ACVR2A: variants seen among roughly 807,000 people sequenced by gnomAD.
ACVR2A encodes activin A receptor type 2A.
ACVR2A carries 7 observed loss-of-function variants against 61.4 expected under a neutral mutation model. The ratio of observed to expected loss-of-function variants is 0.11; its 90% CI spans 0.06 to 0.21. The LOEUF (loss-of-function observed/expected upper bound fraction) is 0.21, where lower values mean the gene tolerates loss of function less well. Ranked by LOEUF, ACVR2A falls within the 10% of genes least tolerant of loss-of-function variation. The pLI is 1.00. For synonymous variants in ACVR2A, 193 were observed against 208.3 expected, an observed-to-expected ratio of 0.93 and a Z score of 0.63; for missense variants, 322 against 621.7, an observed-to-expected ratio of 0.52 and a Z score of 5.13.
intron 10 of ACVR2A, among the ~76,000 whole-genome samples, chr2:147,926,700 G>T (rs1358384843): frequency 6.6e-6 from 1 of 151,810 alleles, no homozygotes; most frequent in Admixed American, 6.6e-5. Context: ...CCCAAGGGTG[G>T]CTTTCTGATC....
Position 147,899,634 on chromosome 2 carries a change from G to A in ACVR2A, c.373+67G>A. 1.9e-6 allele frequency: 3 copies of A among 1,581,200 alleles called. No individual in the cohort carries two copies. The African/African-American group carries it at 4.1e-5, about 21-fold the overall frequency. ...ATTGGAAACAAAATATATTTGTGTT[G>A]ATGGAATAATTTGCCCCTACCTCTT... On this transcript the variant is annotated intron_variant, in intron 3 of 10. Transcript: ENST00000241416.
chr2:147,848,175 T>C (rs1685359474), intron 1 of ACVR2A, among the ~76,000 whole-genome samples: 1 of 152,200 alleles, frequency 6.6e-6, no homozygotes, highest in African/African-American at 2.4e-5. Flanking sequence ...GGATGATAAA[T>C]ACTTTGTTTT....
At chr2:147,909,503 A>T (rs1440614074) in intron 4 of ACVR2A, among the ~76,000 whole-genome samples, 1 of 152,180 alleles carries the variant, frequency 6.6e-6, no homozygotes, top group East Asian at 1.9e-4. Context: ...TAATAGCTTG[A>T]TATTAATGTG....
At chr2:147,916,617 A>C (rs944257113) in intron 5 of ACVR2A, among the ~76,000 whole-genome samples, 8 of 151,934 alleles carry the variant, frequency 5.3e-5, no homozygotes, top group Non-Finnish European at 1.0e-4. Context: ...GTTTGGATGC[A>C]GAGAGTTTCT....
chr2:147,863,367 C>T (rs1300115370), intron 1 of ACVR2A, among the ~76,000 whole-genome samples: 1 of 152,204 alleles, frequency 6.6e-6, no homozygotes, highest in Non-Finnish European at 1.5e-5. Flanking sequence ...TGAAAGTACA[C>T]TGCTTGACCC....
chr2:147,881,044 C>A (rs1686286318), intron 1 of ACVR2A, among the ~76,000 whole-genome samples: 1 of 152,106 alleles, frequency 6.6e-6, no homozygotes, highest in Non-Finnish European at 1.5e-5. Flanking sequence ...GAAAGCAGGT[C>A]TTTTCTTAAA....
chr2:147,909,835 T>G lies in ACVR2A; in HGVS notation c.529-5356T>G, dbSNP rs529931872. Among the ~76,000 whole-genome samples the G allele has an allele frequency of 1.6e-3, 247 of 152,056 alleles. 2 individuals are homozygous for G. The highest frequency in any genetic ancestry group is 5.6e-3 in the African/African-American group (234 of 41,470). On this transcript the variant is annotated intron_variant, in intron 4 of 10. Coordinates refer to ENST00000241416, the MANE Select transcript of ACVR2A (RefSeq NM_001616.5). ...AAAAAATTTTTTTGTAGAGAAGGGA[T>G]CTCCCTGTGTTGCCTAGGCTGGTCT...
At chr2:147,845,997 A>G (rs1685303286) in intron 1 of ACVR2A, among the ~76,000 whole-genome samples, 1 of 152,194 alleles carries the variant, frequency 6.6e-6, no homozygotes, top group Non-Finnish European at 1.5e-5. Context: ...CACTCATAAA[A>G]TAGGTTTTAG....
intron 1 of ACVR2A, among the ~76,000 whole-genome samples, chr2:147,890,368 G>GTGTGTA (rs778542956): frequency 6.7e-6 from 1 of 149,690 alleles, no homozygotes; most frequent in Non-Finnish European, 1.5e-5. Flanking sequence ...GTGTGTGTGT[G>GTGTGTA]TATACACACA....
intron 1 of ACVR2A, among the ~76,000 whole-genome samples, chr2:147,895,923 G>A (rs1169347441): frequency 6.6e-6 from 1 of 151,752 alleles, no homozygotes; most frequent in Non-Finnish European, 1.5e-5. Context: ...TGAGTTGTTA[G>A]GGGTCAACTG....
rs1687634410 is a variant in ACVR2A, at chr2:147,930,134, A to G, written c.*2860A>G. The G allele has an allele frequency of 6.6e-6, 1 of 152,486 alleles. No individual in the cohort carries two copies. Among genetic ancestry groups the G allele is most frequent in the Non-Finnish European group, 1.5e-5 (1 of 67,990 alleles). 9.4% of individuals were successfully genotyped at this position (152,486 alleles called of 1,614,324 possible). A position where few individuals can be genotyped will look rare whatever the true frequency, so the allele number is the denominator to read the frequency against. The stretch of plus-strand genomic sequence containing the variant: ...ATTGTTAGTCCCATGAACTTGCACT[A>G]TCTATCTTTCATGGTGATGTTTTGA... On this transcript the variant is annotated 3_prime_UTR_variant, in exon 11 of 11. Transcript: ENST00000241416.
intron 1 of ACVR2A, among the ~76,000 whole-genome samples, chr2:147,870,794 A>G (rs918742892): frequency 1.3e-5 from 2 of 152,018 alleles, no homozygotes; most frequent in Non-Finnish European, 2.9e-5. Flanking sequence ...TGCTTTCTGC[A>G]TATGTGCCAT....
chr2:147,844,591 T>TGCACCGCCGCCGCCGCTGCCGCCC (rs1310644057), upstream of ACVR2A: 8 of 149,710 alleles, frequency 5.3e-5, no homozygotes, highest in South Asian at 7.2e-4. Context: ...GGCCGCCGCC[T>TGCACCGCCGCCGCCGCTGCCGCCC]GCACCGCCGC....
intron 4 of ACVR2A, among the ~76,000 whole-genome samples, chr2:147,911,550 T>C (rs1687111738): frequency 6.6e-6 from 1 of 152,110 alleles, no homozygotes; most frequent in Non-Finnish European, 1.5e-5. Flanking sequence ...GCCTTTCATA[T>C]AATGATAGAG....
chr2:147,917,242 G>T (rs760100019), intron 5 of ACVR2A, 41 bp from the exon 6 acceptor site: 1 of 1,594,582 alleles, frequency 6.3e-7, no homozygotes, highest in Admixed American at 1.7e-5. Context: ...TATTAAACCT[G>T]TATTCCTTGT....
intron 7 of ACVR2A, 32 bp from the exon 8 acceptor site, chr2:147,920,198 A>C (rs747538334): frequency 2.0e-5 from 30 of 1,503,068 alleles, no homozygotes; most frequent in Non-Finnish European, 2.8e-5. Flanking sequence ...AACTAGTTTA[A>C]ACTTAATTTG....
At chr2:147,877,829 C>T (rs1686197652) in intron 1 of ACVR2A, among the ~76,000 whole-genome samples, 1 of 152,144 alleles carries the variant, frequency 6.6e-6, no homozygotes, top group Admixed American at 6.6e-5. Flanking sequence ...CTTTCTGTTT[C>T]TGTAGGGGGC....
intron 1 of ACVR2A, among the ~76,000 whole-genome samples, chr2:147,846,739 G>A (rs1341150773): frequency 2.0e-5 from 3 of 152,170 alleles, no homozygotes; most frequent in Non-Finnish European, 1.5e-5. Context: ...TTGCTTTTGT[G>A]ACATGACTTA....
chr2:147,916,021 A>C (rs1204107070), intron 5 of ACVR2A, among the ~76,000 whole-genome samples: 1 of 151,798 alleles, frequency 6.6e-6, no homozygotes, highest in African/African-American at 2.4e-5. Context: ...TCTTGGCTGG[A>C]TTTGGTGTTG....
Sources: allele counts gnomAD v4.1 joint callset (sites outside exome capture counted in the v4.1 genomes callset), GRCh38; gene constraint gnomAD v4.1.1; transcripts MANE v1.5; gene names NCBI Gene and HGNC (gene_info 2026-07-23, HGNC 2026-07-21).